TLN2: variants seen among roughly 807,000 people sequenced by gnomAD.
TLN2 encodes the protein talin 2, also known as talin-2.
A neutral mutation model predicts 294.7 loss-of-function variants in TLN2; 118 were observed. The ratio of observed to expected loss-of-function variants is 0.40; its 90% CI spans 0.34 to 0.47. The LOEUF is 0.47. Among genes scored for constraint, TLN2 ranks in the 20% least tolerant of loss-of-function variants. The pLI, the probability that TLN2 is intolerant of heterozygous loss-of-function variation, is 0.84. For missense variants in TLN2, 3,083 were observed against 3,282.2 expected, an observed-to-expected ratio of 0.94 and a Z score of 1.48; for synonymous variants, 1,431 against 1,304.5, an observed-to-expected ratio of 1.10 and a Z score of -2.09.
At chr15:62,827,264 G>A (rs1485863699) in intron 54 of TLN2, among the ~76,000 whole-genome samples, 1 of 152,196 alleles carries the variant, frequency 6.6e-6, no homozygotes, top group East Asian at 1.9e-4. Context: ...AGGACAGTGA[G>A]CAGGGGAAGT....
At chr15:62,815,187 A>T (rs369328759) in intron 52 of TLN2, among the ~76,000 whole-genome samples, 22,048 of 108,010 alleles carry the variant, frequency 0.2, 1,921 homozygotes, top group Non-Finnish European at 0.24. Context: ...TCACACACAC[A>T]CACACACACA....
chr15:62,800,245 C>T, intron 48 of TLN2, 123 bp from the exon 49 acceptor site: 1 of 1,458,320 alleles, frequency 6.9e-7, no homozygotes, highest in Non-Finnish European at 9.2e-7. Flanking sequence ...TGCCATGCTG[C>T]AGACTTCAGA....
At chr15:62,728,954 G>A (rs148233341) in intron 28 of TLN2, among the ~76,000 whole-genome samples, 385 of 152,064 alleles carry the variant, frequency 2.5e-3, no homozygotes, top group Admixed American at 6.6e-3. Flanking sequence ...CTCCTCTGTC[G>A]TATTCTAGAG....
chr15:62,686,879 C>T, intron 12 of TLN2, 83 bp downstream of exon 12: 4 of 1,538,524 alleles, frequency 2.6e-6, no homozygotes, highest in Non-Finnish European at 2.6e-6. Flanking sequence ...AGATTCTTGC[C>T]CATTGGGTTT....
rs1358012703 is a variant in TLN2 at position 62,844,561 on chromosome 15, A to C, written c.*3951A>C. On this transcript the variant is annotated 3_prime_UTR_variant, in exon 59 of 59. Coordinates refer to ENST00000636159, the MANE Select transcript of TLN2 (RefSeq NM_015059.3). ...TCTGCCCTGTGTCGTATCTAATCAC[A>C]TACATTAATTTATCTAACCACATAA... 7 of 152,154 alleles carry C rather than the reference A, an allele frequency of 4.6e-5. No individual in the cohort carries two copies. Among genetic ancestry groups the C allele is most frequent in the African/African-American group, 1.7e-4 (7 of 41,412 alleles). The allele number at this position is 152,154 out of a possible 1,614,324, so 9.4% of individuals were successfully genotyped here. A position where few individuals can be genotyped will look rare whatever the true frequency, so the allele number is the denominator to read the frequency against.
At chr15:62,718,382 G>A (rs2059917808) in intron 24 of TLN2, among the ~76,000 whole-genome samples, 1 of 152,196 alleles carries the variant, frequency 6.6e-6, no homozygotes, top group Non-Finnish European at 1.5e-5. Flanking sequence ...AGCTAGCTGT[G>A]GTGGCTGGCT....
intron 53 of TLN2, 110 bp downstream of exon 53, chr15:62,819,731 G>GCAGC (rs1260235133): frequency 8.8e-6 from 8 of 909,288 alleles, no homozygotes; most frequent in Non-Finnish European, 1.3e-5. Context: ...GCTGGCAGAT[G>GCAGC]CAGCCAGGAA....
intron 52 of TLN2, among the ~76,000 whole-genome samples, chr15:62,812,773 C>T (rs1462660753): frequency 2.0e-5 from 3 of 152,134 alleles, no homozygotes; most frequent in Admixed American, 6.5e-5. Context: ...ACAAGGCTGT[C>T]TTGTGTGTAT....
chr15:62,518,867 G>C (rs960727430), intron 1 of TLN2, among the ~76,000 whole-genome samples: 2 of 152,102 alleles, frequency 1.3e-5, no homozygotes, highest in South Asian at 4.2e-4. Context: ...CAAAGTGCAG[G>C]GATTATAGGA....
intron 2 of TLN2, among the ~76,000 whole-genome samples, chr15:62,604,710 T>TAA (rs1404095121): frequency 3.4e-5 from 5 of 148,204 alleles, no homozygotes; most frequent in South Asian, 2.2e-4. Context: ...TTTTTTTTTT[T>TAA]AATTATTTGA....
chr15:62,589,192 GGAGC>G (rs2045896563), intron 1 of TLN2, among the ~76,000 whole-genome samples: 1 of 152,118 alleles, frequency 6.6e-6, no homozygotes, highest in African/African-American at 2.4e-5. Flanking sequence ...GGGTTTCCAT[GGAGC>G]AAGTTCCCAG....
At chr15:62,752,823 A>T (rs938984) in intron 35 of TLN2, among the ~76,000 whole-genome samples, 108,789 of 152,152 alleles carry the variant, frequency 0.72, 39,582 homozygotes, top group Admixed American at 0.82. Flanking sequence ...AGAAAAAAAT[A>T]AGATGCCATC....
intron 1 of TLN2, among the ~76,000 whole-genome samples, chr15:62,528,727 ACCACTGGGTGGCT>A (rs2140490613): frequency 7.9e-6 from 1 of 125,802 alleles, no homozygotes; most frequent in African/African-American, 3.2e-5. Flanking sequence ...TCAGAATGTC[ACCACTGGGTGGCT>A]GATCTTGGAT....
chr15:62,828,425 A>G (rs1159559655), intron 54 of TLN2: 1 of 152,258 alleles, frequency 6.6e-6, no homozygotes, highest in Non-Finnish European at 1.5e-5. Flanking sequence ...AGGCAGCAAC[A>G]AACACCTTCA....
rs1175375064 is a variant in TLN2, at chr15:62,835,722, G to A, written c.7129-15G>A. 1.7e-5 allele frequency: 27 copies of A among 1,613,970 alleles called. No individual in the cohort carries two copies. Among genetic ancestry groups the A allele is most frequent in the Admixed American group, 3.3e-5 (2 of 60,000 alleles). ...TGCCTGCCCTCATGGCCAATTTCTC[G>A]ACTCTACTCTCTAGGTGGGCTCCAT... On this transcript the variant is annotated splice_polypyrimidine_tract_variant and intron_variant, in intron 55 of 58. Coordinates refer to ENST00000636159, the MANE Select transcript of TLN2 (RefSeq NM_015059.3).
intron 3 of TLN2, among the ~76,000 whole-genome samples, chr15:62,625,078 G>T (rs1374907876): frequency 1.3e-5 from 2 of 152,166 alleles, no homozygotes; most frequent in African/African-American, 4.8e-5. Flanking sequence ...TATTGTGCTG[G>T]AAGTCAAGGC....
intron 1 of TLN2, among the ~76,000 whole-genome samples, chr15:62,484,171 T>TG (rs929967791): frequency 1.3e-5 from 2 of 152,144 alleles, no homozygotes; most frequent in Admixed American, 1.3e-4. Context: ...AGGGTGGGTG[T>TG]GGCTGCTGGG....
At chr15:62,647,155 C>T (rs1412232107) in intron 3 of TLN2, 120 bp from the exon 4 acceptor site, 2 of 953,090 alleles carry the variant, frequency 2.1e-6, no homozygotes, top group Non-Finnish European at 3.0e-6. Context: ...TCTTTATTTG[C>T]TGTTTTATTC....
At chr15:62,833,264 C>A in intron 54 of TLN2, 3 of 489,530 alleles carry the variant, frequency 6.1e-6, no homozygotes, top group South Asian at 3.0e-5. Context: ...AAGGTACCAG[C>A]CACATCTTCC....
Sources: gnomAD v4.1 joint callset for allele counts (sites outside exome capture counted in the v4.1 genomes callset) on GRCh38, gnomAD v4.1.1 for gene constraint, MANE v1.5 for transcripts, NCBI Gene and HGNC (gene_info 2026-07-23, HGNC 2026-07-21) for gene names.